Variants in CENPE observed in about 807,000 individuals in gnomAD.
The protein encoded by CENPE is centromere-associated protein E.
CENPE carries 145 observed loss-of-function variants against 336.1 expected under a neutral mutation model. The ratio of observed to expected loss-of-function variants is 0.43; its 90% CI spans 0.38 to 0.50. CENPE has a LOEUF of 0.50. CENPE is among the 20% of genes least tolerant of loss of function. The probability of loss-of-function intolerance (pLI) is 0.00; values close to 1 mark genes in which losing one functional copy is unlikely to be tolerated. For missense variants in CENPE, 2,719 were observed against 3,023.3 expected (o/e 0.90, Z 2.36); for synonymous variants, 1,013 against 984.8 (o/e 1.03, Z -0.54).
chr4:103,108,672 A>T, intron 48 of CENPE, 131 bp downstream of exon 48: 1 of 847,428 alleles, frequency 1.2e-6, no homozygotes, highest in Non-Finnish European at 1.8e-6. Context: ...CAGAGTCAGC[A>T]AATGAAGCCT....
chr4:103,169,449 T>A (rs569868564), intron 16 of CENPE, among the ~76,000 whole-genome samples: 1 of 152,120 alleles, frequency 6.6e-6, no homozygotes, highest in South Asian at 2.1e-4. Flanking sequence ...TCAAATTCAA[T>A]CTAAATGACC....
rs1211555781 is a variant in CENPE, at chr4:103,110,806, GTA to G, written c.7724+20_7724+21del. On this transcript the variant is annotated intron_variant, in intron 47 of 48. Transcript: ENST00000265148. ...TGTAATAGCCGTAAGCATAATATCC[GTA>G]TCATGTAAGCAGATCTTACCTTAAC... is the stretch of plus-strand genomic sequence containing the variant. 1 of 1,539,290 alleles carries G rather than the reference GTA, an allele frequency of 6.5e-7. No homozygotes were observed. Among genetic ancestry groups the G allele is most frequent in the Non-Finnish European group, 8.8e-7 (1 of 1,139,820 alleles).
chr4:103,131,683 C>T (rs1751601456), intron 42 of CENPE, among the ~76,000 whole-genome samples: 1 of 152,058 alleles, frequency 6.6e-6, no homozygotes, highest in African/African-American at 2.4e-5. Flanking sequence ...TTCATAATTG[C>T]CAAAACATAC....
chr4:103,190,448 T>C (rs191578754), intron 8 of CENPE, among the ~76,000 whole-genome samples: 468 of 152,208 alleles, frequency 3.1e-3, no homozygotes, highest in Non-Finnish European at 5.8e-3. Flanking sequence ...AACAGAGATA[T>C]AGACCAATGG....
At chr4:103,191,704 T>A (rs1340670825) in intron 8 of CENPE, among the ~76,000 whole-genome samples, 1 of 151,240 alleles carries the variant, frequency 6.6e-6, no homozygotes, top group African/African-American at 2.4e-5. Flanking sequence ...AAATGACGAG[T>A]TAATGGGTGC....
intron 39 of CENPE, among the ~76,000 whole-genome samples, chr4:103,137,962 T>C (rs544280464): frequency 1.3e-5 from 2 of 152,306 alleles, no homozygotes; most frequent in African/African-American, 2.4e-5. Flanking sequence ...CCCTGCTAAC[T>C]CTCTGATCTC....
Position 103,181,752 on chromosome 4 carries a change from G to A in CENPE, c.964-296C>T, listed in dbSNP as rs139011090. ...GTGCTAACGCCTCCTCTACTCTGAA[G>A]TTTTGCTTCTAGCCAAAAATATCTC... On this transcript the variant is annotated intron_variant, in intron 11 of 48. Coordinates refer to ENST00000265148, the MANE Select transcript of CENPE (RefSeq NM_001813.3). 4.9e-4 allele frequency: 96 copies of A among 193,962 alleles called. 2 individuals are homozygous for A. The highest frequency in any genetic ancestry group is 4.0e-3 in the Admixed American group (63 of 15,862). The allele number at this position is 193,962 out of a possible 1,614,324, so 12.0% of individuals were successfully genotyped here.
chr4:103,114,074 A>C (rs1221483644), intron 46 of CENPE, among the ~76,000 whole-genome samples: 2 of 152,148 alleles, frequency 1.3e-5, no homozygotes, highest in African/African-American at 4.8e-5. Flanking sequence ...ACTGTACACC[A>C]ATTATAACTT....
At chr4:103,170,133 G>A (rs916622671) in intron 16 of CENPE, among the ~76,000 whole-genome samples, 7 of 152,154 alleles carry the variant, frequency 4.6e-5, no homozygotes, top group African/African-American at 1.7e-4. Flanking sequence ...GGGCCTGTTG[G>A]GGATTGGGGG....
chr4:103,186,433 T>A (rs115383008), intron 8 of CENPE, among the ~76,000 whole-genome samples: 1 of 152,230 alleles, frequency 6.6e-6, no homozygotes, highest in South Asian at 2.1e-4. Flanking sequence ...ACATGACTTA[T>A]AGATACGACT....
chr4:103,158,584 T>C (rs1380450925), intron 23 of CENPE, 30 bp downstream of exon 23: 1 of 1,560,712 alleles, frequency 6.4e-7, no homozygotes, highest in Non-Finnish European at 8.6e-7. Flanking sequence ...AGTCTCCAAT[T>C]TTTCAAAGTT....
chr4:103,164,042 G>C (rs1325383148), intron 16 of CENPE, among the ~76,000 whole-genome samples: 2 of 151,992 alleles, frequency 1.3e-5, no homozygotes, highest in Non-Finnish European at 2.9e-5. Flanking sequence ...TTGGAATCTA[G>C]GTTTGGATTA....
rs1320541906 is a variant in CENPE, at chr4:103,139,840, G to A, written c.6153C>T (p.Leu2051=). ...RDELRRIKES[L]KMERDQFIAT... is the part of the protein sequence containing the mutation. ...CTATGAATTGGTCCCTTTCCATTTT[G>A]AGAGATTCTTTTATCCTCCTTAGCT... Residue 2051 remains leucine, a synonymous_variant, in exon 38 of 49, where the codon CTC becomes CTT. Coordinates refer to ENST00000265148, the MANE Select transcript of CENPE (RefSeq NM_001813.3). The A allele has an allele frequency of 6.2e-7, 1 of 1,612,322 alleles. No homozygotes were observed. Among genetic ancestry groups the A allele is most frequent in the African/African-American group, 1.3e-5 (1 of 74,744 alleles).
intron 26 of CENPE, 26 bp downstream of exon 26, chr4:103,151,193 C>A: frequency 6.4e-7 from 1 of 1,569,300 alleles, no homozygotes; most frequent in East Asian, 2.3e-5. Context: ...GAAAAAATGG[C>A]CAGGGAAATA....
intron 14 of CENPE, among the ~76,000 whole-genome samples, chr4:103,176,437 A>G (rs1343813428): frequency 6.6e-6 from 1 of 152,230 alleles, no homozygotes; most frequent in Non-Finnish European, 1.5e-5. Context: ...GGCAGATGCC[A>G]TATAACTAAC....
intron 44 of CENPE, 128 bp from the exon 45 acceptor site, chr4:103,116,817 G>A: frequency 2.0e-6 from 1 of 504,798 alleles, no homozygotes; most frequent in South Asian, 3.2e-5. Context: ...CCAAATATAT[G>A]AAAAAGCATC....
chr4:103,115,139 CT>C (rs530965743), intron 45 of CENPE, among the ~76,000 whole-genome samples: 26 of 145,926 alleles, frequency 1.8e-4, no homozygotes, highest in Admixed American at 2.0e-4. Flanking sequence ...CTTTTCTTTT[CT>C]TTTTTTTTTT....
intron 9 of CENPE, 116 bp from the exon 10 acceptor site, chr4:103,183,404 G>C (rs1756485074): frequency 1.4e-6 from 1 of 720,670 alleles, no homozygotes; most frequent in Non-Finnish European, 2.3e-6. Context: ...TCTATGCTCT[G>C]GTTTAGACAT....
chr4:103,107,729 T>C (rs1380780593), intron 48 of CENPE, among the ~76,000 whole-genome samples: 1 of 152,152 alleles, frequency 6.6e-6, no homozygotes, highest in Non-Finnish European at 1.5e-5. Context: ...CTCCAAAATC[T>C]CTCCCGTCGG....
Sources: gnomAD v4.1 joint callset for allele counts (sites outside exome capture counted in the v4.1 genomes callset) on GRCh38, gnomAD v4.1.1 for gene constraint, MANE v1.5 for transcripts, NCBI Gene and HGNC (gene_info 2026-07-23, HGNC 2026-07-21) for gene names.